Variants in ROBO2 observed in about 807,000 individuals in gnomAD.
ROBO2 encodes the protein roundabout guidance receptor 2, also known as roundabout homolog 2.
Under a neutral mutation model 160.8 loss-of-function variants are expected in ROBO2, and 53 were observed. That is an observed-to-expected ratio of 0.33 (90% CI 0.26 to 0.41). ROBO2 has a LOEUF of 0.41. Among genes scored for constraint, ROBO2 ranks in the 10% least tolerant of loss-of-function variants. The probability of loss-of-function intolerance (pLI) is 1.00; values close to 1 mark genes in which losing one functional copy is unlikely to be tolerated. For missense variants in ROBO2, 1,577 were observed against 1,722.4 expected (o/e 0.92, Z 1.49); for synonymous variants, 664 against 611.7 (o/e 1.09, Z -1.26).
intron 1 of ROBO2, among the ~76,000 whole-genome samples, chr3:77,086,490 T>A (rs2069325116): frequency 6.6e-6 from 1 of 152,136 alleles, no homozygotes; most frequent in African/African-American, 2.4e-5. Context: ...AAAATATACT[T>A]TATCATTTCT....
intron 2 of ROBO2, among the ~76,000 whole-genome samples, chr3:76,663,980 T>G (rs1312140421): frequency 2.0e-5 from 3 of 151,232 alleles, no homozygotes; most frequent in Non-Finnish European, 4.4e-5. Flanking sequence ...AGTCAGCCTG[T>G]GGAGAAAGGG....
chr3:77,235,408 A>C (rs952133990), intron 2 of ROBO2, among the ~76,000 whole-genome samples: 1 of 150,344 alleles, frequency 6.7e-6, no homozygotes, highest in Non-Finnish European at 1.5e-5. Flanking sequence ...GCTGGAGTGC[A>C]GTGGCGCGAT....
intron 2 of ROBO2, among the ~76,000 whole-genome samples, chr3:76,329,444 C>T (rs1339886094): frequency 6.6e-6 from 1 of 152,184 alleles, no homozygotes; most frequent in East Asian, 1.9e-4. Context: ...TCTCCAACTC[C>T]TGACCTCAAG....
At chr3:76,997,732 GT>G (rs552980097) in intron 2 of ROBO2, among the ~76,000 whole-genome samples, 1 of 152,158 alleles carries the variant, frequency 6.6e-6, no homozygotes, top group Non-Finnish European at 1.5e-5. Flanking sequence ...ATATCACTTA[GT>G]TTTTGCTGCA....
chr3:76,388,649 T>C (rs527747814), intron 2 of ROBO2, among the ~76,000 whole-genome samples: 2 of 152,314 alleles, frequency 1.3e-5, no homozygotes, highest in South Asian at 2.1e-4. Context: ...CTGAGCTACT[T>C]GTAATTTTCA....
chr3:76,313,324 G>A (rs1211848433), intron 2 of ROBO2, among the ~76,000 whole-genome samples: 2 of 152,294 alleles, frequency 1.3e-5, no homozygotes, highest in East Asian at 3.9e-4. Flanking sequence ...ATTTATTCAT[G>A]AGCTTGGCTA....
At chr3:76,966,799 C>A (rs13085262) in intron 2 of ROBO2, among the ~76,000 whole-genome samples, 34,606 of 152,042 alleles carry the variant, frequency 0.23, 4,066 homozygotes, top group South Asian at 0.33. Context: ...CCCGGTATAC[C>A]GTAAGCATTC....
chr3:77,152,217 T>C (rs2077604575), intron 2 of ROBO2, among the ~76,000 whole-genome samples: 1 of 152,154 alleles, frequency 6.6e-6, no homozygotes, highest in African/African-American at 2.4e-5. Context: ...GAAAATGCAG[T>C]AGAATAACGG....
At chr3:76,282,366 A>G (rs1285269381) in intron 2 of ROBO2, among the ~76,000 whole-genome samples, 1 of 152,044 alleles carries the variant, frequency 6.6e-6, no homozygotes, top group Non-Finnish European at 1.5e-5. Flanking sequence ...TTAGTCTCAA[A>G]GTACATAGTT....
At chr3:76,854,825 A>AT (rs1222780416) in intron 2 of ROBO2, among the ~76,000 whole-genome samples, 30 of 152,134 alleles carry the variant, frequency 2.0e-4, no homozygotes, top group Admixed American at 6.5e-5. Flanking sequence ...AGAGAAAAAA[A>AT]TTTTCTTCAC....
At chr3:76,151,743 C>G (rs138751359) in intron 2 of ROBO2, among the ~76,000 whole-genome samples, 35 of 152,252 alleles carry the variant, frequency 2.3e-4, no homozygotes, top group African/African-American at 7.5e-4. Flanking sequence ...ACGTCTTTTA[C>G]TGAACTCAAG....
At chr3:76,070,765 CTCTT>C (rs2068428245) in intron 2 of ROBO2, among the ~76,000 whole-genome samples, 1 of 152,102 alleles carries the variant, frequency 6.6e-6, no homozygotes, top group African/African-American at 2.4e-5. Flanking sequence ...TAAAATTTCT[CTCTT>C]TCATACTCTG....
intron 2 of ROBO2, among the ~76,000 whole-genome samples, chr3:77,421,634 T>A (rs989553882): frequency 6.6e-6 from 1 of 152,126 alleles, no homozygotes; most frequent in African/African-American, 2.4e-5. Context: ...ATCGAAAGCA[T>A]TGAACTAGTG....
intron 2 of ROBO2, among the ~76,000 whole-genome samples, chr3:76,158,241 T>C (rs1052793218): frequency 6.6e-6 from 1 of 152,078 alleles, no homozygotes; most frequent in Non-Finnish European, 1.5e-5. Context: ...GCTACCCAAA[T>C]TGGTCCATCC....
intron 2 of ROBO2, among the ~76,000 whole-genome samples, chr3:76,294,932 C>A (rs34542766): frequency 0.13 from 19,773 of 152,138 alleles, 1,650 homozygotes; most frequent in African/African-American, 0.23. Flanking sequence ...CTTGGTGTCT[C>A]TTGTTTACAG....
intron 2 of ROBO2, among the ~76,000 whole-genome samples, chr3:76,162,794 AT>A (rs1308677925): frequency 6.6e-6 from 1 of 151,918 alleles, no homozygotes; most frequent in Admixed American, 6.6e-5. Context: ...GTATATTGAT[AT>A]TTTTCTTATT....
chr3:76,589,353 G>T (rs1296106028), intron 2 of ROBO2, among the ~76,000 whole-genome samples: 1 of 152,086 alleles, frequency 6.6e-6, no homozygotes, highest in African/African-American at 2.4e-5. Flanking sequence ...AGGCTGGAGT[G>T]CAGTGGCGCC....
Position 76,365,060 on chromosome 3 carries a change from T to G in ROBO2, c.109+427458T>G, listed in dbSNP as rs547003525. On this transcript the variant is annotated intron_variant, in intron 2 of 26. Transcript: ENST00000487694. ...TTAAAGTAAGGCCAGCTGAGTGATT[T>G]TCTAATAAGAAGCCACACTTTATTC... 8.7e-5 allele frequency among the ~76,000 whole-genome samples: 13 copies of G among 148,900 alleles called. No homozygotes were observed. In the South Asian group the frequency reaches 2.5e-3, roughly 29 times the overall value.
intron 5 of ROBO2, among the ~76,000 whole-genome samples, chr3:77,497,003 T>C (rs2086878020): frequency 6.6e-6 from 1 of 152,130 alleles, no homozygotes; most frequent in South Asian, 2.1e-4. Flanking sequence ...TCTGAAAAGA[T>C]GAATGTTTCA....
Sources: allele counts gnomAD v4.1 joint callset (sites outside exome capture counted in the v4.1 genomes callset), GRCh38; gene constraint gnomAD v4.1.1; transcripts MANE v1.5; gene names NCBI Gene and HGNC (gene_info 2026-07-23, HGNC 2026-07-21).